DMRT3: variants seen among roughly 807,000 people sequenced by gnomAD.
The protein encoded by DMRT3 is doublesex and mab-3 related transcription factor 3.
A neutral mutation model predicts 34.9 loss-of-function variants in DMRT3; 29 were observed. That is an observed-to-expected ratio of 0.83 (90% confidence interval 0.62 to 1.13). DMRT3 has a LOEUF of 1.13. Ranked by LOEUF, DMRT3 falls within the 50% of genes most tolerant of loss-of-function variation. DMRT3 has a pLI of 0.00. For missense variants in DMRT3, 772 were observed against 629.1 expected (o/e 1.23, Z -2.43); for synonymous variants, 350 against 286.0 (o/e 1.22, Z -2.26).
rs777209174 is a variant in DMRT3 at position 991,034 on chromosome 9, G to A, written c.*29G>A. 1 of 1,579,852 alleles carries A rather than the reference G, an allele frequency of 6.3e-7. No homozygotes were observed. The highest frequency in any genetic ancestry group is 1.2e-5 in the South Asian group (1 of 85,840). On this transcript the variant is annotated 3_prime_UTR_variant, in exon 2 of 2. Transcript: ENST00000190165. ...GGTGCTGGATGGGTGGTGGCCAGGT[G>A]ACATTTTCTGTGCGTTTTGACCCTG...
At chr9:979,522 C>T (rs979363292) in intron 1 of DMRT3, among the ~76,000 whole-genome samples, 2 of 152,114 alleles carry the variant, frequency 1.3e-5, no homozygotes, top group Admixed American at 6.5e-5. Flanking sequence ...CAGCTGGTCA[C>T]CCCCACCCCC....
At chr9:981,906 G>T (rs1048058713) in intron 1 of DMRT3, among the ~76,000 whole-genome samples, 8 of 152,106 alleles carry the variant, frequency 5.3e-5, no homozygotes, top group African/African-American at 1.9e-4. Context: ...CACATCCCTT[G>T]CCTTTCCCTT....
intron 1 of DMRT3, among the ~76,000 whole-genome samples, chr9:978,976 G>C (rs1820184676): frequency 6.6e-6 from 1 of 152,168 alleles, no homozygotes; most frequent in Non-Finnish European, 1.5e-5. Context: ...ACAAGGAAGA[G>C]TTTGGTCTCA....
In DMRT3 at chr9:990,595, C is replaced by G; in HGVS notation, c.1009C>G (p.Pro337Ala). Residue 337 changes from proline to alanine, a missense_variant, in exon 2 of 2, where the codon CCA becomes GCA. Physicochemically the swap from Pro to Ala is conservative, Grantham distance 27. Coordinates refer to ENST00000190165, the MANE Select transcript of DMRT3 (RefSeq NM_021240.4). ...KWSVGSAFRV[P>A]DTLRFSADSS... ...GTCTGTGGGATCAGCCTTTCGAGTC[C>G]CAGACACGTTGAGGTTTTCTGCCGA... 1 of 1,614,142 alleles carries G rather than the reference C, an allele frequency of 6.2e-7. No homozygotes were observed. Among genetic ancestry groups the G allele is most frequent in the African/African-American group, 1.3e-5 (1 of 75,024 alleles).
At position 976,848 on chromosome 9, in the gene DMRT3, C is replaced by A; in HGVS notation, c.-154C>A. On this transcript the variant is annotated 5_prime_UTR_variant, in exon 1 of 2. Coordinates refer to ENST00000190165, the MANE Select transcript of DMRT3 (RefSeq NM_021240.4). This position sits in a 1 kb window ranked among gnomAD's most constrained non-coding sequence, Gnocchi z 4.5. ...GCTGGAGAGACGACTGCGGCACCTCCGGCCGCCCCGGAGCACACACGACCA... is the reference window on the plus strand; with the variant it reads ...GCTGGAGAGACGACTGCGGCACCTCAGGCCGCCCCGGAGCACACACGACCA... 1 of 738,674 alleles carries A rather than the reference C, an allele frequency of 1.4e-6. No individual in the cohort carries two copies. Among genetic ancestry groups the A allele is most frequent in the Non-Finnish European group, 1.9e-6 (1 of 522,438 alleles). The allele number at this position is 738,674 out of a possible 1,614,324, so 45.8% of individuals were successfully genotyped here.
At chr9:984,185 G>A (rs1035811681) in intron 1 of DMRT3, among the ~76,000 whole-genome samples, 5 of 152,144 alleles carry the variant, frequency 3.3e-5, no homozygotes, top group African/African-American at 7.2e-5. Context: ...AGATTTATGT[G>A]CTTTGAAAAC....
chr9:987,629 C>T (rs1171401251), intron 1 of DMRT3, among the ~76,000 whole-genome samples: 1 of 151,994 alleles, frequency 6.6e-6, no homozygotes, highest in Non-Finnish European at 1.5e-5. Context: ...GTCTTATTTC[C>T]CCAGCTAGAA....
chr9:991,020 G>A lies in DMRT3; in HGVS notation c.*15G>A, dbSNP rs760005385. 2 of 1,592,028 alleles carry A rather than the reference G, an allele frequency of 1.3e-6. No individual in the cohort carries two copies. Among genetic ancestry groups the A allele is most frequent in the East Asian group, 2.2e-5 (1 of 44,448 alleles). ...CATCATCTTAAAGTGGTGCTGGATGGGTGGTGGCCAGGTGACATTTTCTGT... is the reference window on the plus strand; with the variant it reads ...CATCATCTTAAAGTGGTGCTGGATGAGTGGTGGCCAGGTGACATTTTCTGT... On this transcript the variant is annotated 3_prime_UTR_variant, in exon 2 of 2. Coordinates refer to ENST00000190165, the MANE Select transcript of DMRT3 (RefSeq NM_021240.4).
Position 977,470 on chromosome 9 carries a change from G to A in DMRT3, c.454+15G>A. On this transcript the variant is annotated intron_variant, in intron 1 of 1. Transcript: ENST00000190165. Reference sequence around the variant, plus strand: ...CGCCAAGCCAGGTAAGAGCGTCTGAGGTGCGGGAGTTTGGCCGGGCGCGGG... The same window carrying A: ...CGCCAAGCCAGGTAAGAGCGTCTGAAGTGCGGGAGTTTGGCCGGGCGCGGG... 1 of 1,279,560 alleles carries A rather than the reference G, an allele frequency of 7.8e-7. No homozygotes were observed. Among genetic ancestry groups the A allele is most frequent in the Non-Finnish European group, 9.9e-7 (1 of 1,012,608 alleles). The allele number at this position is 1,279,560 out of a possible 1,614,324, so 79.3% of individuals were successfully genotyped here. A position where few individuals can be genotyped will look rare whatever the true frequency, so the allele number is the denominator to read the frequency against.
chr9:989,131 T>A (rs565916657), intron 1 of DMRT3, among the ~76,000 whole-genome samples: 1 of 152,336 alleles, frequency 6.6e-6, no homozygotes, highest in African/African-American at 2.4e-5. Flanking sequence ...AAAAGGTATC[T>A]TCAAATTTCA....
chr9:983,908 GTT>G (rs33987544), intron 1 of DMRT3, among the ~76,000 whole-genome samples: 8 of 141,304 alleles, frequency 5.7e-5, no homozygotes, highest in Admixed American at 2.9e-4. Context: ...AGCATGGCTA[GTT>G]TTTTTTTTTT....
intron 1 of DMRT3, among the ~76,000 whole-genome samples, chr9:985,751 C>T (rs1265456949): frequency 6.6e-6 from 1 of 152,162 alleles, no homozygotes; most frequent in Non-Finnish European, 1.5e-5. Flanking sequence ...GGCTAGTCTT[C>T]CTTTGCCTAG....
intron 1 of DMRT3, among the ~76,000 whole-genome samples, chr9:980,602 GTA>G (rs71327365): frequency 1.4e-5 from 2 of 142,116 alleles, no homozygotes; most frequent in Admixed American, 6.8e-5. Context: ...ATATGTGTGT[GTA>G]TATATATATG....
intron 1 of DMRT3, among the ~76,000 whole-genome samples, chr9:979,039 A>G (rs1184656149): frequency 2.0e-5 from 3 of 152,134 alleles, no homozygotes; most frequent in Non-Finnish European, 4.4e-5. Flanking sequence ...TTCCATTTCC[A>G]GCTTCTCTGG....
Position 990,065 on chromosome 9 carries a change from A to G in DMRT3, c.479A>G (p.Asp160Gly). ...GATTTGACTGAAGAACGACTTGGAG[A>G]CGGCAAGTCGGCAGACAATACAGAG... ...KPDLTEERLG[D>G]GKSADNTEVF... The change falls in exon 2 of 2, where the codon GAC becomes GGC. Residue 160 changes from aspartate to glycine, a missense_variant. By Grantham distance (94) the Asp-to-Gly change is moderately conservative. Transcript: ENST00000190165. 3 of 1,613,698 alleles carry G rather than the reference A, an allele frequency of 1.9e-6. No homozygotes were observed. The highest frequency in any genetic ancestry group is 1.7e-6 in the Non-Finnish European group (2 of 1,179,968).
At position 990,007 on chromosome 9, in the gene DMRT3, A is replaced by G. The variant is rs1484792095; in HGVS notation, c.455-34A>G. The G allele has an allele frequency of 2.5e-6, 4 of 1,608,164 alleles. No individual in the cohort carries two copies. In the Admixed American group the frequency reaches 6.7e-5, roughly 27 times the overall value. On this transcript the variant is annotated intron_variant, in intron 1 of 1. Coordinates refer to ENST00000190165, the MANE Select transcript of DMRT3 (RefSeq NM_021240.4). ...ACATCTGCTCCTCTTTATGCACACC[A>G]GGAAAAGATTAACTCAGCTGTTCTG...
At chr9:984,746 C>G (rs752096980) in intron 1 of DMRT3, among the ~76,000 whole-genome samples, 8 of 152,120 alleles carry the variant, frequency 5.3e-5, no homozygotes, top group African/African-American at 1.7e-4. Flanking sequence ...TGTGAGCCAC[C>G]GCGCCCAGCC....
At chr9:982,415 T>C (rs542553044) in intron 1 of DMRT3, among the ~76,000 whole-genome samples, 3 of 152,358 alleles carry the variant, frequency 2.0e-5, no homozygotes, top group East Asian at 1.9e-4. Flanking sequence ...ATCTGGAGGA[T>C]AGCCGTGCTC....
At chr9:989,939 C>G in intron 1 of DMRT3, 102 bp from the exon 2 acceptor site, 1 of 1,441,282 alleles carries the variant, frequency 6.9e-7, no homozygotes, top group East Asian at 2.3e-5. Context: ...CATTGAGATG[C>G]ATTTGCTCTT....
Sources: allele counts gnomAD v4.1 joint callset (sites outside exome capture counted in the v4.1 genomes callset), GRCh38; gene constraint gnomAD v4.1.1; non-coding constraint Gnocchi (gnomAD v3.1); transcripts MANE v1.5; gene names NCBI Gene and HGNC (gene_info 2026-07-23, HGNC 2026-07-21).